The following ZNF385D variants were observed in gnomAD, a reference collection of about 807,000 sequenced individuals.
ZNF385D encodes the protein zinc finger protein 659.
ZNF385D carries 15 observed loss-of-function variants against 35.8 expected under a neutral mutation model. That is an observed-to-expected ratio of 0.42 (90% CI 0.28 to 0.64). The LOEUF (loss-of-function observed/expected upper bound fraction) is 0.64, where lower values mean the gene tolerates loss of function less well. Among genes scored for constraint, ZNF385D ranks in the 30% least tolerant of loss-of-function variants. ZNF385D has a pLI of 0.23. For missense variants in ZNF385D, 474 were observed against 494.6 expected (o/e 0.96, Z 0.39); for synonymous variants, 212 against 186.8 (o/e 1.13, Z -1.10).
intron 3 of ZNF385D, among the ~76,000 whole-genome samples, chr3:22,029,707 T>A (rs1697804415): frequency 6.6e-6 from 1 of 152,210 alleles, no homozygotes; most frequent in Admixed American, 6.5e-5. Context: ...ATTTAAGTGT[T>A]GTTAACTTTC....
At chr3:22,206,153 T>C (rs1204115658) in intron 2 of ZNF385D, among the ~76,000 whole-genome samples, 8 of 151,828 alleles carry the variant, frequency 5.3e-5, no homozygotes, top group Admixed American at 5.3e-4. Context: ...ACAAAATAGA[T>C]ATCAAGACAA....
chr3:22,099,731 A>AAGGAG (rs1161514748), intron 3 of ZNF385D, among the ~76,000 whole-genome samples: 9 of 151,964 alleles, frequency 5.9e-5, no homozygotes, highest in African/African-American at 2.2e-4. Flanking sequence ...GATGGAGCGT[A>AAGGAG]AGGAGAGCTG....
At chr3:22,250,607 C>G (rs759244155) in intron 2 of ZNF385D, among the ~76,000 whole-genome samples, 1 of 151,892 alleles carries the variant, frequency 6.6e-6, no homozygotes, top group African/African-American at 2.4e-5. Flanking sequence ...AATCTGGGAC[C>G]CTGATTCAAA....
chr3:22,325,017 A>G lies in ZNF385D; in HGVS notation c.106+47433T>C, dbSNP rs143535400. 3.9e-5 allele frequency among the ~76,000 whole-genome samples: 6 copies of G among 152,334 alleles called. No homozygotes were observed. In the East Asian group the frequency reaches 1.2e-3, roughly 29 times the overall value. ...TGAGGATAAAAGTTATAATAACAGT[A>G]CGTACTTTCTAAGTTTGCTCTGATA... is the stretch of plus-strand genomic sequence containing the variant. On this transcript the variant is annotated intron_variant, in intron 2 of 5. Coordinates refer to the ZNF385D transcript ENST00000494108.
intron 2 of ZNF385D, among the ~76,000 whole-genome samples, chr3:21,610,344 T>A (rs1184256850): frequency 1.3e-5 from 2 of 152,168 alleles, no homozygotes; most frequent in Non-Finnish European, 2.9e-5. Context: ...ATACTAACTT[T>A]GAGTTATTAC....
intron 5 of ZNF385D, 141 bp downstream of exon 5, chr3:21,436,829 A>G: frequency 7.0e-6 from 6 of 852,026 alleles, no homozygotes; most frequent in Non-Finnish European, 1.1e-5. Flanking sequence ...CGTCATTTTT[A>G]TTTTTTAATG....
intron 3 of ZNF385D, among the ~76,000 whole-genome samples, chr3:21,779,061 G>C (rs2071397408): frequency 6.6e-6 from 1 of 151,926 alleles, no homozygotes; most frequent in African/African-American, 2.4e-5. Context: ...TGACATAAAG[G>C]TACACTGTTC....
chr3:21,458,503 A>G (rs1206689724), intron 4 of ZNF385D, among the ~76,000 whole-genome samples: 4 of 151,614 alleles, frequency 2.6e-5, no homozygotes, highest in Admixed American at 1.3e-4. Context: ...GAAGGGAGAG[A>G]AAGACCATGT....
intron 2 of ZNF385D, among the ~76,000 whole-genome samples, chr3:21,617,730 A>G (rs1040397268): frequency 2.5e-4 from 38 of 152,220 alleles, no homozygotes; most frequent in South Asian, 2.1e-4. Context: ...TTTGATGTCT[A>G]TCAAACTGTT....
intron 3 of ZNF385D, 38 bp downstream of exon 3, chr3:21,564,536 T>TA: frequency 8.9e-6 from 1 of 112,656 alleles, no homozygotes; most frequent in Middle Eastern, 2.4e-3. Flanking sequence ...GCAAAATGTA[T>TA]TTTTTTTTTT....
intron 2 of ZNF385D, among the ~76,000 whole-genome samples, chr3:22,308,607 T>C (rs1703364388): frequency 6.6e-6 from 1 of 151,858 alleles, no homozygotes; most frequent in Non-Finnish European, 1.5e-5. Flanking sequence ...GACACACTGG[T>C]GAGGAGCCAC....
chr3:21,657,180 C>T (rs1033479968), intron 2 of ZNF385D, among the ~76,000 whole-genome samples: 1 of 151,896 alleles, frequency 6.6e-6, no homozygotes, highest in African/African-American at 2.4e-5. Context: ...TACCACATTG[C>T]TTGCCACTTA....
intron 1 of ZNF385D, among the ~76,000 whole-genome samples, chr3:21,720,256 A>G (rs932297438): frequency 3.9e-5 from 6 of 152,178 alleles, no homozygotes; most frequent in African/African-American, 1.4e-4. Flanking sequence ...ATCATCGGGA[A>G]ACTTGTTAGA....
intron 1 of ZNF385D, among the ~76,000 whole-genome samples, chr3:21,709,836 C>A (rs2068036242): frequency 6.6e-6 from 1 of 152,082 alleles, no homozygotes; most frequent in South Asian, 2.1e-4. Context: ...TTACGAAAAA[C>A]CTATTTGAAG....
chr3:22,099,660 G>A (rs1473867959), intron 3 of ZNF385D, among the ~76,000 whole-genome samples: 1 of 152,014 alleles, frequency 6.6e-6, no homozygotes, highest in Non-Finnish European at 1.5e-5. Context: ...CTAACTTAGA[G>A]ATAGGTAGTC....
intron 3 of ZNF385D, among the ~76,000 whole-genome samples, chr3:21,898,412 CT>C (rs1396926214): frequency 6.6e-6 from 1 of 152,124 alleles, no homozygotes; most frequent in Non-Finnish European, 1.5e-5. Flanking sequence ...GGAAGACAAA[CT>C]TCCTACATAA....
At chr3:22,143,347 G>A (rs900778831) in intron 3 of ZNF385D, among the ~76,000 whole-genome samples, 1 of 152,018 alleles carries the variant, frequency 6.6e-6, no homozygotes, top group African/African-American at 2.4e-5. Context: ...GCCTCCCAAA[G>A]CGCTAGGATT....
intron 2 of ZNF385D, among the ~76,000 whole-genome samples, chr3:22,176,727 T>C (rs969679551): frequency 2.6e-5 from 4 of 152,210 alleles, no homozygotes; most frequent in South Asian, 2.1e-4. Flanking sequence ...AATTTCTATT[T>C]TGAGTCCTCA....
chr3:22,228,875 A>T (rs1698719875), intron 2 of ZNF385D, among the ~76,000 whole-genome samples: 2 of 152,044 alleles, frequency 1.3e-5, no homozygotes, highest in Admixed American at 6.5e-5. Context: ...TTGAACATAG[A>T]CTCCAATTAT....
Sources: gnomAD v4.1 joint callset for allele counts (sites outside exome capture counted in the v4.1 genomes callset) on GRCh38, gnomAD v4.1.1 for gene constraint, MANE v1.5 for transcripts, NCBI Gene and HGNC (gene_info 2026-07-23, HGNC 2026-07-21) for gene names.